Variants in ACYP2 observed in about 807,000 individuals in gnomAD.
The protein encoded by ACYP2 is acylphosphatase 2.
Under a neutral mutation model 11.2 loss-of-function variants are expected in ACYP2, and 12 were observed. The observed-to-expected ratio is 1.08, with a 90% CI of 0.69 to 1.74. The LOEUF (loss-of-function observed/expected upper bound fraction) is 1.74. Ranked by LOEUF, ACYP2 falls within the 40% of genes most tolerant of loss-of-function variation. The pLI is 0.00. For missense variants in ACYP2, 134 were observed against 101.9 expected (o/e 1.31, Z -1.35); for synonymous variants, 43 against 32.2 (o/e 1.33, Z -1.13).
At chr2:54,295,572 G>T (rs1275835787) in intron 6 of ACYP2, among the ~76,000 whole-genome samples, 1 of 152,164 alleles carries the variant, frequency 6.6e-6, no homozygotes, top group Non-Finnish European at 1.5e-5. Context: ...AAGGTAGGCA[G>T]ATGACAAAGG....
At chr2:54,017,272 C>CTTTTCTTT (rs764249106) in intron 2 of ACYP2, among the ~76,000 whole-genome samples, 4 of 123,138 alleles carry the variant, frequency 3.2e-5, no homozygotes, top group African/African-American at 1.0e-4. Context: ...CTTTTCTTTT[C>CTTTTCTTT]TTTTTTTTTT....
At chr2:54,021,160 G>C (rs79544605) in intron 2 of ACYP2, among the ~76,000 whole-genome samples, 4 of 152,130 alleles carry the variant, frequency 2.6e-5, no homozygotes, top group South Asian at 2.1e-4. Flanking sequence ...GCAGGCATAC[G>C]AGCCGGAGTG....
chr2:54,116,331 C>T (rs574757183), intron 4 of ACYP2, among the ~76,000 whole-genome samples: 1 of 152,180 alleles, frequency 6.6e-6, no homozygotes, highest in Non-Finnish European at 1.5e-5. Flanking sequence ...AATATTAAGT[C>T]ACTCTGAGAT....
At chr2:54,268,326 G>A (rs1015723367) in intron 6 of ACYP2, among the ~76,000 whole-genome samples, 14 of 152,046 alleles carry the variant, frequency 9.2e-5, no homozygotes, top group African/African-American at 2.4e-4. Context: ...TTTCCTTCTC[G>A]TCATCTTTCT....
At chr2:54,183,341 T>G (rs1010041031) in intron 6 of ACYP2, among the ~76,000 whole-genome samples, 1 of 152,172 alleles carries the variant, frequency 6.6e-6, no homozygotes, top group Non-Finnish European at 1.5e-5. Context: ...TTTCCTTGCT[T>G]TCATTTCAGC....
chr2:54,255,003 C>G (rs1187407254), intron 6 of ACYP2: 3 of 1,614,128 alleles, frequency 1.9e-6, no homozygotes, highest in African/African-American at 1.3e-5. Flanking sequence ...CGTCTTCACC[C>G]AACAGGTAGT....
At chr2:54,183,103 C>G (rs983099796) in intron 6 of ACYP2, among the ~76,000 whole-genome samples, 1 of 152,166 alleles carries the variant, frequency 6.6e-6, no homozygotes, top group Non-Finnish European at 1.5e-5. Context: ...GAAATATGTT[C>G]TGTATGTTCT....
chr2:54,239,444 C>T (rs749123612), intron 6 of ACYP2, among the ~76,000 whole-genome samples: 29 of 152,136 alleles, frequency 1.9e-4, no homozygotes, highest in Admixed American at 9.8e-4. Flanking sequence ...CGCTACTGCC[C>T]ATGTATTTTG....
rs929366705 is a variant in ACYP2 at position 54,207,604 on chromosome 2, A to G, written c.404+68856A>G. Among the ~76,000 whole-genome samples, 8 of 152,194 alleles carry G rather than the reference A, an allele frequency of 5.3e-5. No homozygotes were observed. The South Asian group carries it at 1.7e-3, about 32-fold the overall frequency. ...AAATGTAACATCACAGGCCTCTTGC[A>G]TATGTTATTGTCAGTAAGCCAAATT... On this transcript the variant is annotated intron_variant, in intron 6 of 6. Transcript: ENST00000607452.
intron 4 of ACYP2, among the ~76,000 whole-genome samples, chr2:54,132,479 C>A (rs1424923704): frequency 6.6e-6 from 1 of 151,958 alleles, no homozygotes; most frequent in African/African-American, 2.4e-5. Flanking sequence ...TTCCTTCATA[C>A]TTGTTGGGTA....
intron 4 of ACYP2, among the ~76,000 whole-genome samples, chr2:54,117,673 A>T (rs1241382045): frequency 6.6e-6 from 1 of 151,994 alleles, no homozygotes; most frequent in East Asian, 1.9e-4. Flanking sequence ...TGTATTTGGT[A>T]CTCTAGAGGT....
At chr2:54,044,321 G>A (rs1176988090) in intron 2 of ACYP2, among the ~76,000 whole-genome samples, 2 of 152,158 alleles carry the variant, frequency 1.3e-5, no homozygotes, top group Non-Finnish European at 2.9e-5. Context: ...ACGGCTGAGT[G>A]CGGTGGCTCA....
chr2:54,176,212 T>C (rs967145202), intron 6 of ACYP2, among the ~76,000 whole-genome samples: 2 of 152,214 alleles, frequency 1.3e-5, no homozygotes, highest in Non-Finnish European at 2.9e-5. Flanking sequence ...TTGAAGCTTG[T>C]ATGGCCACCA....
intron 6 of ACYP2, among the ~76,000 whole-genome samples, chr2:54,217,532 AT>A (rs372344785): frequency 1.3e-4 from 19 of 146,624 alleles, no homozygotes; most frequent in African/African-American, 2.2e-4. Context: ...GTCCCTGGCT[AT>A]TTTTTTTTTG....
At chr2:54,081,373 G>A (rs1398712960) in intron 4 of ACYP2, among the ~76,000 whole-genome samples, 1 of 152,118 alleles carries the variant, frequency 6.6e-6, no homozygotes, top group Non-Finnish European at 1.5e-5. Context: ...AGGATGGCCC[G>A]CCTAGAAAAC....
intron 6 of ACYP2, among the ~76,000 whole-genome samples, chr2:54,277,109 T>C (rs1051498457): frequency 1.3e-5 from 2 of 152,230 alleles, no homozygotes; most frequent in Non-Finnish European, 2.9e-5. Context: ...GCAAAATCTT[T>C]ACCTACATCC....
chr2:54,221,580 G>A (rs552149134), intron 6 of ACYP2, among the ~76,000 whole-genome samples: 4 of 147,398 alleles, frequency 2.7e-5, no homozygotes, highest in Non-Finnish European at 3.0e-5. Context: ...GAGTGCAGGG[G>A]CACAATCTTG....
chr2:54,129,522 A>C (rs536040975), intron 4 of ACYP2, among the ~76,000 whole-genome samples: 4 of 151,900 alleles, frequency 2.6e-5, no homozygotes, highest in Non-Finnish European at 5.9e-5. Context: ...GTATATGCCT[A>C]ATGTTATGTA....
chr2:54,263,026 G>A (rs549386477), intron 6 of ACYP2, among the ~76,000 whole-genome samples: 1 of 152,252 alleles, frequency 6.6e-6, no homozygotes, highest in East Asian at 1.9e-4. Context: ...TGTGTCCAGC[G>A]TGGACAAGGT....
Sources: gnomAD v4.1 joint callset for allele counts (sites outside exome capture counted in the v4.1 genomes callset) on GRCh38, gnomAD v4.1.1 for gene constraint, MANE v1.5 for transcripts, NCBI Gene and HGNC (gene_info 2026-07-23, HGNC 2026-07-21) for gene names.